MOBP: variants seen among roughly 807,000 people sequenced by gnomAD.
MOBP encodes myelin associated oligodendrocyte basic protein, also known as myelin-associated oligodendrocyte basic protein.
Under a neutral mutation model 15.0 loss-of-function variants are expected in MOBP, and 5 were observed. The ratio of observed to expected loss-of-function variants is 0.33; its 90% CI spans 0.17 to 0.70. MOBP has a LOEUF of 0.70. Among genes scored for constraint, MOBP ranks in the 30% least tolerant of loss-of-function variants. The pLI, the probability that MOBP is intolerant of heterozygous loss-of-function variation, is 0.67. For synonymous variants in MOBP, 88 were observed against 99.0 expected, an observed-to-expected ratio of 0.89 and a Z score of 0.66; for missense variants, 188 against 257.8, an observed-to-expected ratio of 0.73 and a Z score of 1.85.
At chr3:39,486,279 T>C (rs1236725833) in intron 2 of MOBP, among the ~76,000 whole-genome samples, 26 of 152,270 alleles carry the variant, frequency 1.7e-4, no homozygotes, top group Non-Finnish European at 8.8e-5. Context: ...TATTATGAGG[T>C]TATGAGGATG....
intron 1 of MOBP, among the ~76,000 whole-genome samples, chr3:39,469,380 AATTAATTAAAATTTATTTTAATTG>A (rs2042434817): frequency 2.2e-5 from 2 of 90,678 alleles, no homozygotes; most frequent in African/African-American, 1.2e-4. Context: ...TTTTAATTGG[AATTAATTAAAATTTATTTTAATTG>A]GAATTAATTA....
At chr3:39,505,771 C>T (rs1169345192), downstream of MOBP, among the ~76,000 whole-genome samples, 3 of 152,190 alleles carry the variant, frequency 2.0e-5, no homozygotes, top group Non-Finnish European at 2.9e-5. Flanking sequence ...TCTCCTTCAA[C>T]ACTCGTTTTA....
chr3:39,493,689 T>C (rs1177583409), intron 2 of MOBP, among the ~76,000 whole-genome samples: 1 of 152,226 alleles, frequency 6.6e-6, no homozygotes, highest in Admixed American at 6.5e-5. Context: ...ACTAAAGTTC[T>C]AGATGCTTTC....
intron 2 of MOBP, among the ~76,000 whole-genome samples, chr3:39,482,563 A>G (rs977896302): frequency 6.6e-6 from 1 of 150,762 alleles, no homozygotes; most frequent in Non-Finnish European, 1.5e-5. Context: ...GAGGCAGGAG[A>G]ATGGCGTGAA....
intron 2 of MOBP, chr3:39,500,193 C>T (rs914389879): frequency 2.5e-6 from 1 of 407,484 alleles, no homozygotes; most frequent in Non-Finnish European, 4.9e-6. Context: ...ATTCTAATCA[C>T]TTACTTGCCT....
At chr3:39,512,948 T>C (rs816489) in intron 4 of MOBP, among the ~76,000 whole-genome samples, 142,332 of 152,254 alleles carry the variant, frequency 0.93, 66,823 homozygotes, top group Non-Finnish European at 0.98. Context: ...ATTTGTTCCC[T>C]CATCAAAGTG....
At chr3:39,477,926 A>G (rs2042566047) in intron 1 of MOBP, among the ~76,000 whole-genome samples, 1 of 152,174 alleles carries the variant, frequency 6.6e-6, no homozygotes. Flanking sequence ...CTATAGCTAT[A>G]TAATGGGTTT....
At chr3:39,522,196 C>T (rs2043277403) in intron 3 of MOBP, among the ~76,000 whole-genome samples, 1 of 152,174 alleles carries the variant, frequency 6.6e-6, no homozygotes, top group East Asian at 1.9e-4. Flanking sequence ...GGTCTCTAAG[C>T]TTCATTTTAC....
intron 1 of MOBP, among the ~76,000 whole-genome samples, chr3:39,473,202 A>C (rs1159755283): frequency 6.6e-6 from 1 of 152,184 alleles, no homozygotes; most frequent in Non-Finnish European, 1.5e-5. Flanking sequence ...TGGTTAAGGA[A>C]TCTTCGTTTT....
chr3:39,486,245 ACTCT>A (rs925901721), intron 2 of MOBP, among the ~76,000 whole-genome samples: 4 of 151,798 alleles, frequency 2.6e-5, no homozygotes, highest in African/African-American at 9.7e-5. Context: ...GACTTCTCTG[ACTCT>A]CTCATTTGCA....
At chr3:39,475,703 T>C (rs2042536335) in intron 1 of MOBP, among the ~76,000 whole-genome samples, 1 of 152,222 alleles carries the variant, frequency 6.6e-6, no homozygotes, top group African/African-American at 2.4e-5. Context: ...ATAACTTTGG[T>C]AGGAGCTCTT....
intron 2 of MOBP, among the ~76,000 whole-genome samples, chr3:39,491,391 A>C (rs1183430243): frequency 6.6e-6 from 1 of 152,198 alleles, no homozygotes; most frequent in Non-Finnish European, 1.5e-5. Context: ...GATTATTACC[A>C]GGGTTAAATA....
At chr3:39,498,178 ACT>A (rs1553618558) in intron 2 of MOBP, among the ~76,000 whole-genome samples, 3 of 152,044 alleles carry the variant, frequency 2.0e-5, no homozygotes, top group Non-Finnish European at 4.4e-5. Flanking sequence ...TAAAACGATG[ACT>A]CTGATTTAGC....
intron 4 of MOBP, among the ~76,000 whole-genome samples, chr3:39,510,796 T>C (rs2043109698): frequency 6.6e-6 from 1 of 152,236 alleles, no homozygotes; most frequent in South Asian, 2.1e-4. Context: ...TTTTTGTATA[T>C]GTTTCGAACT....
At chr3:39,506,151 GTCTCTT>G (rs1431052288), downstream of MOBP, among the ~76,000 whole-genome samples, 1 of 151,908 alleles carries the variant, frequency 6.6e-6, no homozygotes, top group African/African-American at 2.4e-5. Context: ...TTTGTATCTT[GTCTCTT>G]TCTCATTAGC....
chr3:39,504,498 TCC>T (rs371053632), downstream of MOBP, among the ~76,000 whole-genome samples: 2 of 138,196 alleles, frequency 1.4e-5, no homozygotes, highest in Non-Finnish European at 3.2e-5. Flanking sequence ...GTGCTTTGAC[TCC>T]CTCAGTTAAC....
At chr3:39,496,811 G>A (rs2042892849) in intron 2 of MOBP, among the ~76,000 whole-genome samples, 1 of 152,088 alleles carries the variant, frequency 6.6e-6, no homozygotes, top group Non-Finnish European at 1.5e-5. Flanking sequence ...TTACAGGAAT[G>A]CACCACCATG....
chr3:39,482,651 CAAAAAAA>C (rs10576821), intron 2 of MOBP, among the ~76,000 whole-genome samples: 2 of 80,400 alleles, frequency 2.5e-5, no homozygotes, highest in African/African-American at 8.8e-5. Context: ...CACTCTGTCT[CAAAAAAA>C]AAAAAAAAAA....
chr3:39,491,099 A>T (rs2042789073), intron 2 of MOBP, among the ~76,000 whole-genome samples: 1 of 152,170 alleles, frequency 6.6e-6, no homozygotes, highest in South Asian at 2.1e-4. Flanking sequence ...TGTTCCTTAA[A>T]GTGGGAACAA....
Sources: allele counts gnomAD v4.1 joint callset (sites outside exome capture counted in the v4.1 genomes callset), GRCh38; gene constraint gnomAD v4.1.1; transcripts MANE v1.5; gene names NCBI Gene and HGNC (gene_info 2026-07-23, HGNC 2026-07-21).